The following UGT1A6 variants were observed in gnomAD, a reference collection of about 807,000 sequenced individuals.
UGT1A6 encodes the protein UDP-glucuronosyltransferase 1A6.
UGT1A6 carries 32 observed loss-of-function variants against 44.4 expected under a neutral mutation model. The ratio of observed to expected loss-of-function variants is 0.72; its 90% CI spans 0.54 to 0.97. The LOEUF (loss-of-function observed/expected upper bound fraction) is 0.97. Ranked by LOEUF, UGT1A6 falls within the 50% of genes least tolerant of loss-of-function variation. The pLI, the probability that UGT1A6 is intolerant of heterozygous loss-of-function variation, is 0.00. For missense variants in UGT1A6, 685 were observed against 661.9 expected, an observed-to-expected ratio of 1.03 and a Z score of -0.38; for synonymous variants, 238 against 248.5, an observed-to-expected ratio of 0.96 and a Z score of 0.40.
chr2:233,767,878 A>G lies in UGT1A6; in HGVS notation c.1023A>G (p.Pro341=), dbSNP rs747062491. ...TGTGGCGGTACACTGGAACCCGACC[A>G]TCGAATCTTGCGAACAACACGATAC... ...TVLWRYTGTR[P]SNLANNTILV... The change falls in exon 3 of 5, where the codon CCA becomes CCG. Residue 341 remains proline, a synonymous_variant. Transcript: ENST00000305139. 6.2e-7 allele frequency: 1 copy of G among 1,614,032 alleles called. No individual in the cohort carries two copies. The highest frequency in any genetic ancestry group is 1.7e-5 in the Admixed American group (1 of 59,990).
intron 1 of UGT1A6, chr2:233,717,713 A>T: frequency 2.4e-5 from 11 of 453,290 alleles, no homozygotes; most frequent in South Asian, 1.7e-4. Flanking sequence ...GACGAGCCTC[A>T]TGGGCATGAG....
At chr2:233,709,038 G>A (rs2076054065) in intron 1 of UGT1A6, among the ~76,000 whole-genome samples, 1 of 152,112 alleles carries the variant, frequency 6.6e-6, no homozygotes, top group Non-Finnish European at 1.5e-5. Flanking sequence ...TTCAGCCTGA[G>A]TTCTTTTCCC....
chr2:233,770,217 G>T (rs1322403541), intron 4 of UGT1A6: 1 of 152,188 alleles, frequency 6.6e-6, no homozygotes, highest in Admixed American at 6.5e-5. Flanking sequence ...AGCCATCCCT[G>T]TCTGATTGTG....
intron 1 of UGT1A6, chr2:233,739,155 A>C (rs182453819): frequency 1.1e-4 from 17 of 152,364 alleles, no homozygotes; most frequent in Admixed American, 3.9e-4. Flanking sequence ...CCTCCACATA[A>C]ATTTTAGAGG....
intron 1 of UGT1A6, chr2:233,747,278 C>T (rs925407656): frequency 6.3e-6 from 10 of 1,599,168 alleles, no homozygotes; most frequent in Non-Finnish European, 8.5e-6. Flanking sequence ...CTTCTCAGTG[C>T]CCAGCCCTGG....
chr2:233,755,233 A>G (rs958383354), intron 1 of UGT1A6: 16 of 920,004 alleles, frequency 1.7e-5, no homozygotes, highest in Admixed American at 5.9e-5. Context: ...GACGAGGCCT[A>G]CCGGGGTACT....
chr2:233,713,135 G>A (rs772419709), intron 1 of UGT1A6: 5 of 1,614,098 alleles, frequency 3.1e-6, no homozygotes, highest in African/African-American at 1.3e-5. Context: ...GGGAGGCCTT[G>A]CGGGACCTCC....
At position 233,726,141 on chromosome 2, in the gene UGT1A6, G is replaced by A. The variant is rs1025600360; in HGVS notation, c.861+32276G>A. On this transcript the variant is annotated intron_variant, in intron 1 of 4. Transcript: ENST00000305139. The stretch of plus-strand genomic sequence containing the variant: ...TGTTCACACCACCTCACTCCAGCCC[G>A]AGTGACAGAGTGAGGCCCCATTTCA... Among the ~76,000 whole-genome samples the A allele has an allele frequency of 5.9e-5, 9 of 152,188 alleles. No individual in the cohort carries two copies. The East Asian group carries it at 7.7e-4, about 13-fold the overall frequency.
At chr2:233,729,037 G>A in intron 1 of UGT1A6, 2 of 1,603,940 alleles carry the variant, frequency 1.2e-6, no homozygotes, top group Non-Finnish European at 1.7e-6. Context: ...TTTGCTAAGT[G>A]GCTCAGTGAC....
At chr2:233,761,216 A>T in intron 1 of UGT1A6, 2 of 1,613,736 alleles carry the variant, frequency 1.2e-6, no homozygotes, top group Non-Finnish European at 1.7e-6. Flanking sequence ...TGGATCGATT[A>T]ACTAGCCCCA....
chr2:233,738,612 A>G (rs1461188273), intron 1 of UGT1A6, among the ~76,000 whole-genome samples: 3 of 152,202 alleles, frequency 2.0e-5, no homozygotes, highest in African/African-American at 7.2e-5. Context: ...TAGCAAAGAA[A>G]CTCGTGGCAT....
At chr2:233,731,639 A>T (rs2078185645) in intron 1 of UGT1A6, among the ~76,000 whole-genome samples, 1 of 152,176 alleles carries the variant, frequency 6.6e-6, no homozygotes, top group Non-Finnish European at 1.5e-5. Flanking sequence ...GCTGCATAGT[A>T]TTCCATGGTG....
At chr2:233,729,319 G>A in intron 1 of UGT1A6, 1 of 1,614,228 alleles carries the variant, frequency 6.2e-7, no homozygotes. Context: ...CACCCCAGAG[G>A]TGAATATGCA....
intron 1 of UGT1A6, among the ~76,000 whole-genome samples, chr2:233,699,481 C>T (rs2075508169): frequency 6.6e-6 from 1 of 152,178 alleles, no homozygotes; most frequent in Non-Finnish European, 1.5e-5. Flanking sequence ...AAATCCTAGT[C>T]TCTTCTACTT....
chr2:233,726,535 C>T (rs1400370552), intron 1 of UGT1A6, among the ~76,000 whole-genome samples: 1 of 152,142 alleles, frequency 6.6e-6, no homozygotes, highest in Admixed American at 6.6e-5. Flanking sequence ...TAGGGAGATG[C>T]AGTGCAGCGT....
Position 233,699,187 on chromosome 2 carries a change from T to C in UGT1A6, c.861+5322T>C, listed in dbSNP as rs28898580. ...CTGTCTCTCTGATCCTCACTTCTTC[T>C]TCAGAATCTCATGCTGTTGCATGAA... On this transcript the variant is annotated intron_variant, in intron 1 of 4. Transcript: ENST00000305139. 4.1e-3 allele frequency among the ~76,000 whole-genome samples: 631 copies of C among 152,270 alleles called. 4 individuals are homozygous for C. The highest frequency in any genetic ancestry group is 0.015 in the African/African-American group (604 of 41,566).
Position 233,769,430 on chromosome 2 carries a change from C to A in UGT1A6, c.1301+991C>A. On this transcript the variant is annotated intron_variant, in intron 4 of 4. Transcript: ENST00000305139. This position sits in a 1 kb window ranked among gnomAD's most constrained non-coding sequence, Gnocchi z 4.4. ...GTGTGCGTTTGTGCATGTGGCTGTG[C>A]TCATGTGTGGGTGCACACGTGTGCA... 1 of 1,537,408 alleles carries A rather than the reference C, an allele frequency of 6.5e-7. No individual in the cohort carries two copies. Among genetic ancestry groups the A allele is most frequent in the Non-Finnish European group, 8.9e-7 (1 of 1,118,580 alleles).
chr2:233,759,712 G>A (rs2125976216), intron 1 of UGT1A6, among the ~76,000 whole-genome samples: 1 of 151,632 alleles, frequency 6.6e-6, no homozygotes, highest in African/African-American at 2.4e-5. Flanking sequence ...GCGTGCTCGT[G>A]TGGTGGGCTC....
At chr2:233,729,020 A>G in intron 1 of UGT1A6, 2 of 1,593,488 alleles carry the variant, frequency 1.3e-6, no homozygotes, top group Non-Finnish European at 8.6e-7. Flanking sequence ...TTCCAATTAC[A>G]CGTTGATTTG....
Sources: allele counts gnomAD v4.1 joint callset (sites outside exome capture counted in the v4.1 genomes callset), GRCh38; gene constraint gnomAD v4.1.1; non-coding constraint Gnocchi (gnomAD v3.1); transcripts MANE v1.5; gene names NCBI Gene and HGNC (gene_info 2026-07-23, HGNC 2026-07-21).